The following TTC21B variants were observed in gnomAD, a reference collection of about 807,000 sequenced individuals.
The protein encoded by TTC21B is tetratricopeptide repeat protein 21B.
A neutral mutation model predicts 175.1 loss-of-function variants in TTC21B; 127 were observed. The observed-to-expected ratio is 0.73, with a 90% CI of 0.63 to 0.84. The LOEUF (loss-of-function observed/expected upper bound fraction) is 0.84, where lower values mean the gene tolerates loss of function less well. TTC21B is among the 40% of genes least tolerant of loss of function. The pLI is 0.00. For missense variants in TTC21B, 1,561 were observed against 1,558.3 expected, an observed-to-expected ratio of 1.00 and a Z score of -0.03; for synonymous variants, 524 against 524.5, an observed-to-expected ratio of 1.00 and a Z score of 0.01.
At chr2:165,919,174 C>T in intron 13 of TTC21B, 102 bp downstream of exon 13, 1 of 1,385,262 alleles carries the variant, frequency 7.2e-7, no homozygotes. Context: ...ATTAAAAATG[C>T]AACTGTTAGC....
Position 165,900,016 on chromosome 2 carries a change from A to T in TTC21B, c.2758-136T>A. On this transcript the variant is annotated intron_variant, in intron 20 of 28. Coordinates refer to ENST00000243344, the MANE Select transcript of TTC21B (RefSeq NM_024753.5). Reference sequence around the variant, plus strand: ...ATGCCAAGTATAATAGACAAAAAAAAAAAAAAAACAACAGTATGTATACCC... The same window carrying T: ...ATGCCAAGTATAATAGACAAAAAAATAAAAAAAACAACAGTATGTATACCC... The T allele has an allele frequency of 4.5e-6, 3 of 668,772 alleles. 1 individual carries two copies. Among genetic ancestry groups the T allele is most frequent in the Admixed American group, 2.5e-5 (1 of 40,266 alleles). The allele number at this position is 668,772 out of a possible 1,614,324, so 41.4% of individuals were successfully genotyped here. A position where few individuals can be genotyped will look rare whatever the true frequency, so the allele number is the denominator to read the frequency against.
chr2:165,953,014 ACTG>A (rs1195440208), intron 1 of TTC21B, among the ~76,000 whole-genome samples: 11 of 152,242 alleles, frequency 7.2e-5, no homozygotes, highest in Non-Finnish European at 1.5e-4. Context: ...AGTTTTGCTC[ACTG>A]CTATCTCCAG....
At chr2:165,900,271 A>G (rs1168846645) in intron 20 of TTC21B, among the ~76,000 whole-genome samples, 1 of 152,216 alleles carries the variant, frequency 6.6e-6, no homozygotes. Flanking sequence ...GGTATGCCTC[A>G]GATTTAAAAG....
intron 26 of TTC21B, among the ~76,000 whole-genome samples, chr2:165,881,898 T>G (rs772809986): frequency 6.6e-6 from 1 of 152,158 alleles, no homozygotes; most frequent in Non-Finnish European, 1.5e-5. Context: ...TTTTCTCACT[T>G]TAATGGAAGA....
At chr2:165,877,717 A>G (rs140800026) in intron 27 of TTC21B, among the ~76,000 whole-genome samples, 32 of 152,264 alleles carry the variant, frequency 2.1e-4, no homozygotes, top group African/African-American at 7.2e-4. Flanking sequence ...ATGTGTGTGT[A>G]TATATATGTA....
intron 25 of TTC21B, among the ~76,000 whole-genome samples, chr2:165,884,675 T>C (rs1684947778): frequency 6.6e-6 from 1 of 152,238 alleles, no homozygotes; most frequent in South Asian, 2.1e-4. Context: ...ACAATCTATA[T>C]GATATTCTTT....
At position 165,875,751 on chromosome 2, in the gene TTC21B, T is replaced by C. The variant is rs572540023; in HGVS notation, c.3873+414A>G. On this transcript the variant is annotated intron_variant, in intron 28 of 28. Coordinates refer to ENST00000243344, the MANE Select transcript of TTC21B (RefSeq NM_024753.5). ...AATGATCTGGAGAATCTATACTGTC[T>C]TCAAATATCTTCTAACTTAAAGACT... is the stretch of plus-strand genomic sequence containing the variant. Among the ~76,000 whole-genome samples the C allele has an allele frequency of 7.9e-5, 12 of 152,092 alleles. No homozygotes were observed. The South Asian group carries it at 2.5e-3, about 32-fold the overall frequency.
rs1289658729 is a variant in TTC21B, at chr2:165,929,681, T to G, written c.1154A>C (p.Asn385Thr). ...QDADQQLEFLNEIQQSIGKSA... is the reference protein window; with the variant it reads ...QDADQQLEFLTEIQQSIGKSA... ...TTTTCCAATGGATTGCTGGATTTCA[T>G]TTAAAAATTCTAGCTGCTGATCTGC... The change falls in exon 10 of 29, where the codon AAT (asparagine) becomes ACT (threonine). Residue 385 changes from asparagine (N) to threonine (T), a missense_variant. By Grantham distance (65) the Asn-to-Thr change is moderately conservative (BLOSUM62 0). Coordinates refer to ENST00000243344, the MANE Select transcript of TTC21B (RefSeq NM_024753.5). 3.7e-6 allele frequency: 6 copies of G among 1,612,810 alleles called. No homozygotes were observed. Among genetic ancestry groups the G allele is most frequent in the Non-Finnish European group, 5.1e-6 (6 of 1,179,176 alleles).
intron 15 of TTC21B, among the ~76,000 whole-genome samples, chr2:165,914,682 T>TGTGTGTGTGTGCGCGCGCGCGCGCGCGC (rs1553511393): frequency 2.0e-5 from 3 of 149,760 alleles, no homozygotes; most frequent in African/African-American, 7.5e-5. Flanking sequence ...TGTGTGTGTG[T>TGTGTGTGTGTGCGCGCGCGCGCGCGCGC]GTGTGTGTGT....
chr2:165,880,927 T>C, intron 26 of TTC21B, 128 bp from the exon 27 acceptor site: 1 of 1,024,594 alleles, frequency 9.8e-7, no homozygotes, highest in African/African-American at 1.6e-5. Flanking sequence ...GTTTTCAACC[T>C]TGGCTAGGCA....
chr2:165,930,168 A>G lies in TTC21B; in HGVS notation c.1087+4T>C. The G allele has an allele frequency of 1.2e-6, 2 of 1,612,222 alleles. No homozygotes were observed. Among genetic ancestry groups the G allele is most frequent in the Non-Finnish European group, 1.7e-6 (2 of 1,178,594 alleles). On this transcript the variant is annotated splice_donor_region_variant and intron_variant, in intron 9 of 28. Transcript: ENST00000243344. ...ATAAATATTTATGAAAACAGTTGTCATACCAACTAGGGCAGACACACTAGT... is the reference window on the plus strand; with the variant it reads ...ATAAATATTTATGAAAACAGTTGTCGTACCAACTAGGGCAGACACACTAGT...
intron 19 of TTC21B, among the ~76,000 whole-genome samples, chr2:165,906,556 AT>A (rs2105311919): frequency 1.3e-5 from 2 of 152,286 alleles, no homozygotes; most frequent in East Asian, 3.9e-4. Context: ...CCAAATTGAT[AT>A]AAGAAACAAT....
intron 14 of TTC21B, among the ~76,000 whole-genome samples, chr2:165,915,987 TTTAAG>T (rs1447778048): frequency 1.3e-5 from 2 of 152,322 alleles, no homozygotes; most frequent in East Asian, 3.9e-4. Context: ...TTAAATGTAC[TTTAAG>T]TTAACTAGTA....
chr2:165,905,024 A>G (rs1422272659), intron 19 of TTC21B, among the ~76,000 whole-genome samples: 1 of 152,170 alleles, frequency 6.6e-6, no homozygotes, highest in Admixed American at 6.5e-5. Flanking sequence ...GAGAGGGAGA[A>G]CCTAGAAGAT....
Position 165,929,139 on chromosome 2 carries a change from A to T in TTC21B, c.1382T>A (p.Met461Lys), listed in dbSNP as rs1163476492. 6.2e-7 allele frequency: 1 copy of T among 1,612,638 alleles called. No individual in the cohort carries two copies. The highest frequency in any genetic ancestry group is 2.2e-5 in the East Asian group (1 of 44,734). The change falls in exon 11 of 29, where the codon ATG becomes AAG. Residue 461 changes from methionine (M) to lysine (K), a missense_variant. Physicochemically the swap from Met to Lys is moderately conservative, Grantham distance 95. Transcript: ENST00000243344. ...IVMEYLSFCP[M>K]QPASPGQPLC... Reference sequence around the variant, plus strand: ...GTAAGTCCCATAATTACTTACCTGCATTGGACAGAAGCTCAGATACTCCAT... The same window carrying T: ...GTAAGTCCCATAATTACTTACCTGCTTTGGACAGAAGCTCAGATACTCCAT...
intron 3 of TTC21B, chr2:165,947,290 T>C (rs1473596282): frequency 6.7e-6 from 1 of 149,638 alleles, no homozygotes; most frequent in Non-Finnish European, 1.5e-5. Context: ...AAATGTAAGT[T>C]GCGGCCTGTG....
At chr2:165,924,719 AATAATAT>A in intron 11 of TTC21B, 41 bp from the exon 12 acceptor site, 1 of 1,572,740 alleles carries the variant, frequency 6.4e-7, no homozygotes, top group Non-Finnish European at 8.6e-7. Context: ...TAAGTGTAAA[AATAATAT>A]TTACCTAAAA....
intron 19 of TTC21B, among the ~76,000 whole-genome samples, chr2:165,902,524 T>C (rs1685603135): frequency 6.6e-6 from 1 of 152,130 alleles, no homozygotes; most frequent in South Asian, 2.1e-4. Flanking sequence ...TTTTCTTTTT[T>C]TTTTCTCAAG....
In TTC21B at chr2:165,943,086, T is replaced by C. The variant is rs13000534; in HGVS notation, c.552+133A>G. ...TCATTGTCCTACACAAATGCCAGTCTACCTTACAGCTGTGAGCTGACAACA... is the reference window on the plus strand; with the variant it reads ...TCATTGTCCTACACAAATGCCAGTCCACCTTACAGCTGTGAGCTGACAACA... On this transcript the variant is annotated intron_variant, in intron 5 of 28. Coordinates refer to ENST00000243344, the MANE Select transcript of TTC21B (RefSeq NM_024753.5). 0.99 allele frequency: 829,043 copies of C among 839,820 alleles called. 409,877 individuals are homozygous for C. Among genetic ancestry groups the C allele is most frequent in the East Asian group, 1 (37,878 of 37,878 alleles). 52.0% of individuals were successfully genotyped at this position (839,820 alleles called of 1,614,324 possible).
Sources: gnomAD v4.1 joint callset for allele counts (sites outside exome capture counted in the v4.1 genomes callset) on GRCh38, gnomAD v4.1.1 for gene constraint, MANE v1.5 for transcripts, NCBI Gene and HGNC (gene_info 2026-07-23, HGNC 2026-07-21) for gene names.